PRDM1: variants seen among roughly 807,000 people sequenced by gnomAD.
PRDM1 encodes PR domain zinc finger protein 1.
A neutral mutation model predicts 62.8 loss-of-function variants in PRDM1; 13 were observed. That is an observed-to-expected ratio of 0.21 (90% CI 0.13 to 0.33). PRDM1 has a LOEUF of 0.33. PRDM1 is among the 10% of genes least tolerant of loss of function. The pLI, the probability that PRDM1 is intolerant of heterozygous loss-of-function variation, is 1.00. For synonymous variants in PRDM1, 396 were observed against 417.6 expected (o/e 0.95, Z 0.63); for missense variants, 895 against 1,058.8 (o/e 0.85, Z 2.15).
chr6:106,073,492 T>C lies in PRDM1; in HGVS notation c.-66-14709T>C, dbSNP rs999245481. On this transcript the variant is annotated intron_variant, in intron 1 of 6. Coordinates refer to the PRDM1 transcript ENST00000651185. ...TATTATTTCTTCAATTTAAAAAATGTTCTGAATAATGATTAAGCCATTTAC... is the reference window on the plus strand; with the variant it reads ...TATTATTTCTTCAATTTAAAAAATGCTCTGAATAATGATTAAGCCATTTAC... Among the ~76,000 whole-genome samples, 5 of 152,356 alleles carry C rather than the reference T, an allele frequency of 3.3e-5. No individual in the cohort carries two copies. The East Asian group carries it at 9.6e-4, about 29-fold the overall frequency.
chr6:106,029,007 A>G (rs558923154), intron 1 of PRDM1, among the ~76,000 whole-genome samples: 21 of 129,860 alleles, frequency 1.6e-4, no homozygotes, highest in Admixed American at 4.7e-4. Context: ...TGCAACCTCC[A>G]CCTCCTGGGT....
intron 1 of PRDM1, among the ~76,000 whole-genome samples, chr6:106,000,137 CCG>C (rs1772410568): frequency 6.6e-6 from 1 of 152,238 alleles, no homozygotes; most frequent in Non-Finnish European, 1.5e-5. Context: ...GCGTGAGCCA[CCG>C]CGCCTGGCAT....
intron 4 of PRDM1, among the ~76,000 whole-genome samples, chr6:106,101,718 G>A (rs1313661326): frequency 6.6e-6 from 1 of 152,176 alleles, no homozygotes; most frequent in East Asian, 1.9e-4. Context: ...GGTAGATTGT[G>A]TCTCCAAATG....
chr6:106,105,507 TCTC>T lies in PRDM1; in HGVS notation c.1351_1353del (p.Leu451del). The T allele has an allele frequency of 6.2e-7, 1 of 1,613,846 alleles. No homozygotes were observed. Among genetic ancestry groups the T allele is most frequent in the Non-Finnish European group, 8.5e-7 (1 of 1,179,944 alleles). On this transcript the variant is annotated inframe_deletion, in exon 5 of 7. Transcript: ENST00000369096. Reference sequence around the variant, plus strand: ...CGAGGCTGTGCCCTGTCTACAGCAATCTCCTCGGTGGGGGCAGCCTGCCCCACC... The same window carrying T: ...CGAGGCTGTGCCCTGTCTACAGCAATCTCGGTGGGGGCAGCCTGCCCCACC...
chr6:106,019,947 G>C (rs2114557872), intron 1 of PRDM1, among the ~76,000 whole-genome samples: 1 of 150,684 alleles, frequency 6.6e-6, no homozygotes, highest in African/African-American at 2.4e-5. Context: ...AAAAAAGGAA[G>C]AGCCGGGTGT....
Position 106,107,469 on chromosome 6 carries a change from G to C in PRDM1, c.2461G>C (p.Glu821Gln), listed in dbSNP as rs2114665638. 1 of 1,602,084 alleles carries C rather than the reference G, an allele frequency of 6.2e-7. No individual in the cohort carries two copies. The highest frequency in any genetic ancestry group is 1.3e-5 in the African/African-American group (1 of 74,176). ...VPVKVKQETV[E>Q]PMDP ...TGTAAAGGTCAAACAAGAAACAGTT[G>C]AACCAATGGATCCTTAAGATTTTCA... Residue 821 changes from glutamate to glutamine, a missense_variant, in exon 7 of 7, where the codon GAA (glutamate) becomes CAA (glutamine). Transcript: ENST00000369096.
Position 106,023,481 on chromosome 6 carries a change from A to T in PRDM1, c.-67+29842A>T, listed in dbSNP as rs1392312209. Among the ~76,000 whole-genome samples, 84 of 152,252 alleles carry T rather than the reference A, an allele frequency of 5.5e-4. 1 individual carries two copies. The highest frequency in any genetic ancestry group is 1.5e-3 in the African/African-American group (64 of 41,542). ...AGAGCGAGACTCTGTCTCAAAAAAA[A>T]AAAAAAATAAATAATGATTTGAAGT... On this transcript the variant is annotated intron_variant, in intron 1 of 6. Transcript: ENST00000652320.
At chr6:106,085,195 G>GGT (rs773041785), upstream of PRDM1, among the ~76,000 whole-genome samples, 14 of 151,942 alleles carry the variant, frequency 9.2e-5, no homozygotes, top group Admixed American at 2.6e-4. Flanking sequence ...TGTGTATGTG[G>GGT]GTGTGTGTGT....
At chr6:106,026,976 G>A (rs980115430) in intron 1 of PRDM1, among the ~76,000 whole-genome samples, 1 of 152,204 alleles carries the variant, frequency 6.6e-6, no homozygotes, top group Non-Finnish European at 1.5e-5. Context: ...ACGTGTCAGA[G>A]TTTGAGCATT....
intron 1 of PRDM1, among the ~76,000 whole-genome samples, chr6:106,038,550 G>A (rs1412787344): frequency 6.6e-6 from 1 of 152,192 alleles, no homozygotes; most frequent in Non-Finnish European, 1.5e-5. Flanking sequence ...TCTGGCAATT[G>A]CTTTAGCTGG....
chr6:106,040,543 C>T (rs533519443), intron 1 of PRDM1, among the ~76,000 whole-genome samples: 5 of 152,310 alleles, frequency 3.3e-5, no homozygotes, highest in South Asian at 2.1e-4. Context: ...CAGCAGCAGC[C>T]GTCTGCAGCT....
intron 1 of PRDM1, among the ~76,000 whole-genome samples, chr6:106,042,539 A>C (rs35885548): frequency 0.024 from 3,663 of 150,862 alleles, 73 homozygotes; most frequent in Non-Finnish European, 0.04. Flanking sequence ...AAAAAAAAAA[A>C]CAAACAAACA....
intron 3 of PRDM1, chr6:106,098,846 G>GAAA: frequency 6.6e-7 from 1 of 1,526,390 alleles, no homozygotes; most frequent in Non-Finnish European, 8.8e-7. Flanking sequence ...AGAGGCCATA[G>GAAA]AAAAAGCTAA....
At chr6:105,998,890 C>CATATATATAT (rs202209129) in intron 1 of PRDM1, among the ~76,000 whole-genome samples, 3 of 100,202 alleles carry the variant, frequency 3.0e-5, no homozygotes, top group Non-Finnish European at 1.9e-5. Context: ...AAAGTTAATA[C>CATATATATAT]ATATATATAT....
chr6:106,012,591 C>T (rs1772572081), intron 1 of PRDM1, among the ~76,000 whole-genome samples: 1 of 152,142 alleles, frequency 6.6e-6, no homozygotes, highest in Non-Finnish European at 1.5e-5. Flanking sequence ...ACACACACCA[C>T]ACATATTGCA....
intron 1 of PRDM1, among the ~76,000 whole-genome samples, chr6:106,021,847 C>G (rs1276093942): frequency 6.6e-6 from 1 of 152,148 alleles, no homozygotes; most frequent in African/African-American, 2.4e-5. Flanking sequence ...CTCAAACTCC[C>G]AGCCTCAGGT....
At chr6:106,060,529 G>A (rs1196467371) in intron 1 of PRDM1, among the ~76,000 whole-genome samples, 3 of 152,108 alleles carry the variant, frequency 2.0e-5, no homozygotes, top group African/African-American at 7.2e-5. Flanking sequence ...AATGAAAGAG[G>A]AGGAACTATA....
upstream of PRDM1, among the ~76,000 whole-genome samples, chr6:106,048,234 A>AAT (rs1378476679): frequency 6.6e-6 from 1 of 151,560 alleles, no homozygotes; most frequent in Non-Finnish European, 1.5e-5. Context: ...AAAAAAAAAA[A>AAT]AAATTAGCCA....
chr6:106,102,400 G>C (rs1774298594), intron 4 of PRDM1, among the ~76,000 whole-genome samples: 1 of 152,180 alleles, frequency 6.6e-6, no homozygotes. Context: ...CACCTGTAGA[G>C]CATCTTAGGG....
Sources: gnomAD v4.1 joint callset for allele counts (sites outside exome capture counted in the v4.1 genomes callset) on GRCh38, gnomAD v4.1.1 for gene constraint, MANE v1.5 for transcripts, NCBI Gene and HGNC (gene_info 2026-07-23, HGNC 2026-07-21) for gene names.